The following RIPK1 variants were observed in gnomAD, a reference collection of about 807,000 sequenced individuals.
RIPK1 encodes the protein receptor interacting serine/threonine kinase 1.
In RIPK1, 27 loss-of-function variants were observed where a neutral mutation model predicts 62.4. That is an observed-to-expected ratio of 0.43 (90% CI 0.32 to 0.60). The LOEUF (loss-of-function observed/expected upper bound fraction) is 0.60. Ranked by LOEUF, RIPK1 falls within the 20% of genes least tolerant of loss-of-function variation. The pLI, the probability that RIPK1 is intolerant of heterozygous loss-of-function variation, is 0.07. For missense variants in RIPK1, 735 were observed against 831.0 expected (o/e 0.88, Z 1.42); for synonymous variants, 287 against 303.2 (o/e 0.95, Z 0.55).
At chr6:3,102,480 A>C (rs1760629551) in intron 7 of RIPK1, among the ~76,000 whole-genome samples, 1 of 152,190 alleles carries the variant, frequency 6.6e-6, no homozygotes. Flanking sequence ...AAACACTTCT[A>C]ATCCCAAGCA....
chr6:3,095,018 G>A (rs1372305477), intron 7 of RIPK1, among the ~76,000 whole-genome samples: 7 of 151,962 alleles, frequency 4.6e-5, no homozygotes, highest in Non-Finnish European at 7.4e-5. Context: ...TGATCATGCC[G>A]CTGCACTCCA....
intron 7 of RIPK1, among the ~76,000 whole-genome samples, chr6:3,094,352 G>A (rs113394524): frequency 6.6e-6 from 1 of 152,092 alleles, no homozygotes; most frequent in Non-Finnish European, 1.5e-5. Flanking sequence ...TGTCCTCTGA[G>A]TATATTTCAA....
chr6:3,080,899 C>CCA, intron 3 of RIPK1, 80 bp from the exon 4 acceptor site: 1 of 1,427,956 alleles, frequency 7.0e-7, no homozygotes. Context: ...GGCTCAGATC[C>CCA]CACCACCCTT....
At chr6:3,095,073 A>G (rs994357626) in intron 7 of RIPK1, among the ~76,000 whole-genome samples, 7 of 152,050 alleles carry the variant, frequency 4.6e-5, no homozygotes, top group African/African-American at 1.7e-4. Context: ...AAAAAAAGAA[A>G]AAAAAGACTG....
rs1758507175 is a variant in RIPK1 at position 3,068,602 on chromosome 6, G to A, written c.-120G>A. Reference sequence around the variant, plus strand: ...GGGGCGCCAGAGCGCGGCCATCCGGGCGGGGCCGACGGAGCGCGGCAGGAC... The same window carrying A: ...GGGGCGCCAGAGCGCGGCCATCCGGACGGGGCCGACGGAGCGCGGCAGGAC... On this transcript the variant is annotated 5_prime_UTR_variant, in exon 1 of 11. Transcript: ENST00000259808. 3.0e-5 allele frequency: 30 copies of A among 985,336 alleles called. No individual in the cohort carries two copies. Among genetic ancestry groups the A allele is most frequent in the Non-Finnish European group, 3.6e-5 (30 of 829,930 alleles). 61.0% of individuals were successfully genotyped at this position (985,336 alleles called of 1,614,324 possible).
In RIPK1 at chr6:3,113,593, G is replaced by A. The variant is rs1236667107; in HGVS notation, c.*254G>A. 2 of 441,852 alleles carry A rather than the reference G, an allele frequency of 4.5e-6. No individual in the cohort carries two copies. The highest frequency in any genetic ancestry group is 1.9e-5 in the African/African-American group (1 of 51,574). 27.4% of individuals were successfully genotyped at this position (441,852 alleles called of 1,614,324 possible). ...CCCGCCTCGGCCTTCCAAAGTGCTG[G>A]GATATCAGGCACTGAGCCACTGCGC... is the stretch of plus-strand genomic sequence containing the variant. On this transcript the variant is annotated 3_prime_UTR_variant, in exon 11 of 11. Transcript: ENST00000259808. This position sits in a 1 kb window ranked among gnomAD's most constrained non-coding sequence, Gnocchi z 5.0.
intron 1 of RIPK1, among the ~76,000 whole-genome samples, chr6:3,075,365 G>C (rs1758996111): frequency 6.6e-6 from 1 of 152,186 alleles, no homozygotes. Context: ...GAAGCAAATA[G>C]CTGTGCTTTG....
upstream of RIPK1, among the ~76,000 whole-genome samples, chr6:3,065,766 G>A (rs1374300370): frequency 1.3e-5 from 2 of 152,108 alleles, no homozygotes; most frequent in African/African-American, 2.4e-5. Flanking sequence ...CCTCACCTTG[G>A]GCTGTTTCTT....
At chr6:3,097,883 A>G (rs1231737258) in intron 7 of RIPK1, among the ~76,000 whole-genome samples, 2 of 152,138 alleles carry the variant, frequency 1.3e-5, no homozygotes, top group East Asian at 3.8e-4. Context: ...TAAAACTTTT[A>G]TTCATCAAAA....
chr6:3,067,051 A>ATTTAT (rs1758410013), upstream of RIPK1, among the ~76,000 whole-genome samples: 1 of 59,050 alleles, frequency 1.7e-5, no homozygotes, highest in African/African-American at 6.9e-5. Context: ...TTGCTCCAGG[A>ATTTAT]TTTTTTTTTT....
At chr6:3,087,371 C>G (rs1191461483) in intron 6 of RIPK1, among the ~76,000 whole-genome samples, 2 of 151,694 alleles carry the variant, frequency 1.3e-5, no homozygotes, top group African/African-American at 2.4e-5. Context: ...AAAACTATAT[C>G]TTTGGTTATG....
intron 1 of RIPK1, among the ~76,000 whole-genome samples, chr6:3,075,157 C>T (rs1312827962): frequency 6.6e-6 from 1 of 152,174 alleles, no homozygotes; most frequent in African/African-American, 2.4e-5. Context: ...GTGTTTGTAC[C>T]ATTTTATACT....
Position 3,076,921 on chromosome 6 carries a change from T to C in RIPK1, c.98T>C (p.Leu33Pro), listed in dbSNP as rs1280781466. 1 of 1,612,236 alleles carries C rather than the reference T, an allele frequency of 6.2e-7. No homozygotes were observed. The highest frequency in any genetic ancestry group is 1.7e-5 in the Admixed American group (1 of 59,908). ...LDSGGFGKVS[L>P]CFHRTQGLMI... ...AGCGGAGGCTTTGGGAAGGTGTCTC[T>C]GTGTTTCCACAGAACCCAGGGACTC... The change falls in exon 2 of 11, where the codon CTG becomes CCG. Residue 33 changes from leucine (L) to proline (P), a missense_variant. Leu to Pro is a moderately conservative substitution (Grantham distance 98, BLOSUM62 -3). Around this residue, in one of 2 missense-constraint regions of RIPK1, gnomAD observed 671 missense variants for 726.2 expected, o/e 0.92. Transcript: ENST00000259808.
upstream of RIPK1, chr6:3,068,207 T>TG: frequency 1.0e-6 from 1 of 985,430 alleles, no homozygotes; most frequent in Non-Finnish European, 1.2e-6. Flanking sequence ...AATGCTAACT[T>TG]GCCTATGCTA....
intron 10 of RIPK1, 99 bp from the exon 11 acceptor site, chr6:3,112,954 T>C (rs1436161349): frequency 2.0e-6 from 2 of 990,516 alleles, no homozygotes; most frequent in Admixed American, 5.5e-5. Context: ...CACTGTCTTC[T>C]GGTACTCTTC....
chr6:3,071,319 T>G (rs1406735306), intron 1 of RIPK1, among the ~76,000 whole-genome samples: 1 of 152,248 alleles, frequency 6.6e-6, no homozygotes, highest in Non-Finnish European at 1.5e-5. Flanking sequence ...ATACTTACCC[T>G]GCCTTAGAAG....
rs112996537 is a variant in RIPK1 at position 3,105,406 on chromosome 6, C to A, written c.1007-76C>A. On this transcript the variant is annotated intron_variant, in intron 8 of 10. Transcript: ENST00000259808. This position sits in a 1 kb window ranked among gnomAD's most constrained non-coding sequence, Gnocchi z 4.5. ...TGTGTGTTACTTTGAGATACAGATT[C>A]ATGACGGCGCTCAGATTTTATTTTA... 1 of 1,169,820 alleles carries A rather than the reference C, an allele frequency of 8.5e-7. No individual in the cohort carries two copies. The highest frequency in any genetic ancestry group is 1.5e-5 in the African/African-American group (1 of 65,022). The allele number at this position is 1,169,820 out of a possible 1,614,324, so 72.5% of individuals were successfully genotyped here. A position where few individuals can be genotyped will look rare whatever the true frequency, so the allele number is the denominator to read the frequency against.
At chr6:3,085,990 C>T (rs17548397) in intron 6 of RIPK1, among the ~76,000 whole-genome samples, 3 of 152,170 alleles carry the variant, frequency 2.0e-5, no homozygotes, top group African/African-American at 2.4e-5. Flanking sequence ...TCCATTCGTC[C>T]GTCTATGGGC....
At chr6:3,106,968 T>G (rs1039522691) in intron 9 of RIPK1, among the ~76,000 whole-genome samples, 1 of 152,188 alleles carries the variant, frequency 6.6e-6, no homozygotes. Context: ...GGGCCATGGT[T>G]GGCCAGGTGT....
Sources: allele counts gnomAD v4.1 joint callset (sites outside exome capture counted in the v4.1 genomes callset), GRCh38; gene constraint gnomAD v4.1.1; regional missense constraint gnomAD v4.1.1; non-coding constraint Gnocchi (gnomAD v3.1); transcripts MANE v1.5; gene names NCBI Gene and HGNC (gene_info 2026-07-23, HGNC 2026-07-21).